Variants in RALA observed in about 807,000 individuals in gnomAD.
RALA encodes RAS like proto-oncogene A.
A neutral mutation model predicts 24.0 loss-of-function variants in RALA; 5 were observed. That is an observed-to-expected ratio of 0.21 (90% CI 0.11 to 0.44). The LOEUF is 0.44. Among genes scored for constraint, RALA ranks in the 20% least tolerant of loss-of-function variants. RALA has a pLI of 0.99. For missense variants in RALA, 95 were observed against 241.2 expected, an observed-to-expected ratio of 0.39 and a Z score of 4.01; for synonymous variants, 77 against 83.8, an observed-to-expected ratio of 0.92 and a Z score of 0.44.
chr7:39,675,741 A>T (rs1792474789), intron 1 of RALA, among the ~76,000 whole-genome samples: 1 of 123,248 alleles, frequency 8.1e-6, no homozygotes, highest in African/African-American at 2.9e-5. Context: ...TGGGAAATTA[A>T]AAAAAAAAAA....
chr7:39,623,956 T>A lies in RALA; in HGVS notation c.-38+131T>A, dbSNP rs1485860247. On this transcript the variant is annotated intron_variant, in intron 1 of 4. Transcript: ENST00000005257. This position sits in a 1 kb window ranked among gnomAD's most constrained non-coding sequence, Gnocchi z 4.9. ...GCTGCCGAGATTGCACATCCCACGT[T>A]CTGCCCGGGGACGAGCTGCGAGATG... is the stretch of plus-strand genomic sequence containing the variant. 6.6e-6 allele frequency: 1 copy of A among 152,102 alleles called. No homozygotes were observed. Among genetic ancestry groups the A allele is most frequent in the Non-Finnish European group, 1.5e-5 (1 of 68,036 alleles). 9.4% of individuals were successfully genotyped at this position (152,102 alleles called of 1,614,324 possible).
At chr7:39,683,951 A>G (rs989912801) in intron 1 of RALA, among the ~76,000 whole-genome samples, 1 of 152,206 alleles carries the variant, frequency 6.6e-6, no homozygotes, top group African/African-American at 2.4e-5. Context: ...AACAGTAGAT[A>G]TATTAGCTGT....
chr7:39,683,840 AACAC>A (rs71964842), intron 1 of RALA, among the ~76,000 whole-genome samples: 4,601 of 147,700 alleles, frequency 0.031, 84 homozygotes, highest in Middle Eastern at 0.059. Context: ...TTTTCTTTTG[AACAC>A]ACACACACAC....
At chr7:39,652,383 A>C (rs117148982) in intron 1 of RALA, among the ~76,000 whole-genome samples, 1 of 152,124 alleles carries the variant, frequency 6.6e-6, no homozygotes, top group Admixed American at 6.6e-5. Context: ...TTCACATACA[A>C]ATTCACCAAA....
intron 1 of RALA, among the ~76,000 whole-genome samples, chr7:39,663,654 A>G (rs1249379813): frequency 6.6e-6 from 1 of 152,074 alleles, no homozygotes; most frequent in Non-Finnish European, 1.5e-5. Context: ...GAAAAAATAT[A>G]TGAAGCCTTC....
chr7:39,679,710 T>G (rs1792552951), intron 1 of RALA, among the ~76,000 whole-genome samples: 1 of 152,150 alleles, frequency 6.6e-6, no homozygotes, highest in Non-Finnish European at 1.5e-5. Flanking sequence ...TAGAAGATTT[T>G]GCCATGCAGA....
chr7:39,680,291 C>G (rs2116048951), intron 1 of RALA, among the ~76,000 whole-genome samples: 1 of 151,950 alleles, frequency 6.6e-6, no homozygotes, highest in East Asian at 1.9e-4. Flanking sequence ...ATTGCTTGAA[C>G]CTGGGGTTGG....
chr7:39,669,090 G>C (rs1005675961), intron 1 of RALA, among the ~76,000 whole-genome samples: 2 of 152,186 alleles, frequency 1.3e-5, no homozygotes, highest in East Asian at 1.9e-4. Flanking sequence ...CTCCGGCCTA[G>C]CGACAGAGCA....
chr7:39,701,414 G>A (rs764578700), intron 4 of RALA, among the ~76,000 whole-genome samples: 7 of 152,214 alleles, frequency 4.6e-5, no homozygotes, highest in African/African-American at 7.2e-5. Context: ...GGGAGGCTGA[G>A]ACAGGAGGAT....
At chr7:39,697,464 G>T (rs937871764) in intron 4 of RALA, 2 of 456,532 alleles carry the variant, frequency 4.4e-6, no homozygotes, top group Admixed American at 2.3e-5. Context: ...TCATCCCACT[G>T]CCCTAGACCA....
At chr7:39,638,237 T>C (rs1467237796) in intron 1 of RALA, among the ~76,000 whole-genome samples, 1 of 152,204 alleles carries the variant, frequency 6.6e-6, no homozygotes, top group Non-Finnish European at 1.5e-5. Context: ...TAGCTGGGAT[T>C]ACAGGAGTGT....
At chr7:39,646,799 C>G (rs1693801742) in intron 1 of RALA, among the ~76,000 whole-genome samples, 1 of 152,136 alleles carries the variant, frequency 6.6e-6, no homozygotes, top group Admixed American at 6.5e-5. Flanking sequence ...GTACAGAACT[C>G]TAGAGCCTCC....
intron 4 of RALA, among the ~76,000 whole-genome samples, chr7:39,703,589 A>G (rs548797484): frequency 1.7e-4 from 26 of 152,316 alleles, no homozygotes; most frequent in Admixed American, 1.2e-3. Context: ...GAGGAATGAT[A>G]TTTAGCAGCC....
At chr7:39,628,012 C>T (rs543883431) in intron 1 of RALA, among the ~76,000 whole-genome samples, 3 of 151,820 alleles carry the variant, frequency 2.0e-5, no homozygotes, top group South Asian at 2.1e-4. Flanking sequence ...TTAGCCTTAT[C>T]TCTCTTCTTG....
chr7:39,702,833 AAC>A (rs1309924120), intron 4 of RALA: 1 of 152,234 alleles, frequency 6.6e-6, no homozygotes, highest in Non-Finnish European at 1.5e-5. Context: ...TAAAAAATAG[AAC>A]AGAGAATACT....
chr7:39,639,816 T>C (rs1791749032), intron 1 of RALA, among the ~76,000 whole-genome samples: 1 of 152,098 alleles, frequency 6.6e-6, no homozygotes, highest in African/African-American at 2.4e-5. Context: ...ACCGTCCTGT[T>C]GCAGGATGCC....
chr7:39,703,557 A>G (rs924012520), intron 4 of RALA, among the ~76,000 whole-genome samples: 1 of 152,180 alleles, frequency 6.6e-6, no homozygotes, highest in Non-Finnish European at 1.5e-5. Context: ...CCATTCATCT[A>G]AGGAACTCAG....
chr7:39,683,870 CACAA>C (rs1460310786), intron 1 of RALA, among the ~76,000 whole-genome samples: 1 of 151,300 alleles, frequency 6.6e-6, no homozygotes, highest in South Asian at 2.1e-4. Flanking sequence ...CACACACACA[CACAA>C]CTCTTAGAGT....
At chr7:39,701,793 C>T (rs1793031770) in intron 4 of RALA, among the ~76,000 whole-genome samples, 1 of 152,164 alleles carries the variant, frequency 6.6e-6, no homozygotes, top group African/African-American at 2.4e-5. Flanking sequence ...GCCACCAGAG[C>T]TGGGGCATGG....
Sources: gnomAD v4.1 joint callset for allele counts (sites outside exome capture counted in the v4.1 genomes callset) on GRCh38, gnomAD v4.1.1 for gene constraint, Gnocchi (gnomAD v3.1) non-coding constraint, MANE v1.5 for transcripts, NCBI Gene and HGNC (gene_info 2026-07-23, HGNC 2026-07-21) for gene names.